WDR37: variants seen among roughly 807,000 people sequenced by gnomAD.
WDR37 encodes WD repeat domain 37.
WDR37 carries 19 observed loss-of-function variants against 62.9 expected under a neutral mutation model. The observed-to-expected ratio is 0.30, with a 90% CI of 0.21 to 0.44. The LOEUF is 0.44. Among genes scored for constraint, WDR37 ranks in the 20% least tolerant of loss-of-function variants. The pLI is 1.00. For synonymous variants in WDR37, 250 were observed against 260.9 expected (o/e 0.96, Z 0.40); for missense variants, 474 against 657.6 (o/e 0.72, Z 3.05).
chr10:1,095,793 T>A (rs1020775019), intron 8 of WDR37, among the ~76,000 whole-genome samples: 1 of 152,216 alleles, frequency 6.6e-6, no homozygotes, highest in Non-Finnish European at 1.5e-5. Context: ...TGGAGATGAG[T>A]GTCGCTTTCC....
Position 1,096,222 on chromosome 10 carries a change from AC to A in WDR37, c.706del (p.Gln236SerfsTer14). ...IWRYAVQLPTPQPVADTSISG... is the reference protein window; with the variant it reads ...IWRYAVQLPTXQPVADTSISG... ...GGAGATACGCGGTGCAGCTGCCGAC[AC>A]CCCAGCCTGTTGCTGACACTAGTGT... On this transcript the variant is annotated frameshift_variant, in exon 9 of 14. Coordinates refer to ENST00000263150, the MANE Select transcript of WDR37 (RefSeq NM_014023.4). LOFTEE classifies it high-confidence loss of function. 6.2e-7 allele frequency: 1 copy of A among 1,614,042 alleles called. No individual in the cohort carries two copies.
At chr10:1,124,167 G>A (rs2131692976) in intron 11 of WDR37, 51 bp from the exon 12 acceptor site, 2 of 1,609,186 alleles carry the variant, frequency 1.2e-6, no homozygotes, top group South Asian at 2.2e-5. Context: ...GGGGTGTGGT[G>A]TCACGTCCTG....
chr10:1,086,468 T>A lies in WDR37; in HGVS notation c.604+111T>A. ...CTACTGTGTAGGAAGCCTTACTGTTTCGGTTGTCAGGGGACAGTGTGGTCT... is the reference window on the plus strand; with the variant it reads ...CTACTGTGTAGGAAGCCTTACTGTTACGGTTGTCAGGGGACAGTGTGGTCT... On this transcript the variant is annotated intron_variant, in intron 7 of 13. Coordinates refer to ENST00000263150, the MANE Select transcript of WDR37 (RefSeq NM_014023.4). 5 of 825,076 alleles carry A rather than the reference T, an allele frequency of 6.1e-6. No individual in the cohort carries two copies. In the South Asian group the frequency reaches 7.9e-5, roughly 13 times the overall value. The allele number at this position is 825,076 out of a possible 1,614,324, so 51.1% of individuals were successfully genotyped here.
chr10:1,070,808 A>G (rs902481377), intron 1 of WDR37, among the ~76,000 whole-genome samples: 2 of 152,242 alleles, frequency 1.3e-5, no homozygotes, highest in Non-Finnish European at 2.9e-5. Flanking sequence ...CTTGTTTAAA[A>G]AGAAGGGAAC....
chr10:1,069,389 A>ATTTTTTTTTTTTTTTTTTTTTTTTTTTTT lies in WDR37; in HGVS notation c.-40-2709_-40-2708insTTTTTTTTTTTTTTTTTTTTTTTTTTTTT, dbSNP rs377212232. ...GGAAAGAATATATATATATATATATATTTTTTTTTTTTTTTTTTGCAGCAG... is the reference window on the plus strand; with the variant it reads ...GGAAAGAATATATATATATATATATATTTTTTTTTTTTTTTTTTTTTTTTTTTTTTTTTTTTTTTTTTTTTTTGCAGCAG... On this transcript the variant is annotated intron_variant, in intron 1 of 13. Transcript: ENST00000263150. 2.1e-5 allele frequency among the ~76,000 whole-genome samples: 2 copies of ATTTTTTTTTTTTTTTTTTTTTTTTTTTTT among 95,806 alleles called. 1 individual carries two copies. The allele number at this position is 95,806 out of a possible 152,430, so 62.9% of individuals were successfully genotyped here. A position where few individuals can be genotyped will look rare whatever the true frequency, so the allele number is the denominator to read the frequency against.
chr10:1,115,811 C>T (rs1255015080), intron 11 of WDR37, among the ~76,000 whole-genome samples: 1 of 152,088 alleles, frequency 6.6e-6, no homozygotes, highest in African/African-American at 2.4e-5. Flanking sequence ...AGCCATCTAC[C>T]AGGTGGTGAC....
intron 11 of WDR37, among the ~76,000 whole-genome samples, chr10:1,119,763 G>A (rs1427927669): frequency 2.0e-5 from 3 of 152,212 alleles, no homozygotes; most frequent in African/African-American, 7.2e-5. Flanking sequence ...ACTGTCTGAC[G>A]AGGAGCGGGG....
chr10:1,066,517 C>A (rs760107349), intron 1 of WDR37, among the ~76,000 whole-genome samples: 126 of 152,234 alleles, frequency 8.3e-4, no homozygotes, highest in Non-Finnish European at 1.4e-3. Flanking sequence ...ATAAATATAC[C>A]ATTTCTCCCC....
chr10:1,108,749 C>A (rs867917019), intron 11 of WDR37, among the ~76,000 whole-genome samples: 15 of 128,042 alleles, frequency 1.2e-4, no homozygotes, highest in Admixed American at 4.1e-4. Flanking sequence ...GCCCCCCCCC[C>A]CCGTGGAACC....
intron 11 of WDR37, chr10:1,123,874 TTGG>T (rs1222584227): frequency 4.1e-5 from 9 of 218,696 alleles, no homozygotes; most frequent in Non-Finnish European, 8.1e-5. Context: ...ACAGTTGTTG[TTGG>T]AATGGATTTT....
intron 10 of WDR37, among the ~76,000 whole-genome samples, chr10:1,104,470 T>C (rs1834938400): frequency 6.6e-6 from 1 of 152,260 alleles, no homozygotes; most frequent in Non-Finnish European, 1.5e-5. Flanking sequence ...ACTCTCCAAC[T>C]TCTGGGACCC....
rs561265826 is a variant in WDR37, at chr10:1,129,208, A to T, written c.1354-5A>T. The T allele has an allele frequency of 9.3e-6, 15 of 1,613,532 alleles. No homozygotes were observed. In the African/African-American group the frequency reaches 1.1e-4, roughly 11 times the overall value. ...ACTGATTTTGGTTTGTTTGATCATC[A>T]CTAGGGCCACAGGAGAATGGTATGC... On this transcript the variant is annotated splice_polypyrimidine_tract_variant and splice_region_variant and intron_variant, in intron 13 of 13. Transcript: ENST00000263150.
At chr10:1,067,024 T>G (rs200136295) in intron 1 of WDR37, among the ~76,000 whole-genome samples, 2 of 152,236 alleles carry the variant, frequency 1.3e-5, no homozygotes, top group East Asian at 3.9e-4. Context: ...CACAACACAT[T>G]GGAATTCAAG....
chr10:1,075,326 C>G (rs7076150), intron 2 of WDR37, among the ~76,000 whole-genome samples: 146,751 of 149,660 alleles, frequency 0.98, 72,004 homozygotes, highest in Middle Eastern at 1. Context: ...TACATGTGCA[C>G]AACGAGCAGG....
chr10:1,064,926 G>A (rs536934726), intron 1 of WDR37, among the ~76,000 whole-genome samples: 1 of 152,170 alleles, frequency 6.6e-6, no homozygotes, highest in East Asian at 1.9e-4. Context: ...ATTGTGGAGG[G>A]CATAAGGAAG....
chr10:1,125,884 C>A (rs1023804736), intron 13 of WDR37, among the ~76,000 whole-genome samples: 1 of 152,214 alleles, frequency 6.6e-6, no homozygotes, highest in South Asian at 2.1e-4. Flanking sequence ...GAGTTTCTCG[C>A]TATGTGCTGT....
chr10:1,077,809 A>G (rs1339122842), intron 2 of WDR37, 98 bp from the exon 3 acceptor site: 1 of 877,014 alleles, frequency 1.1e-6, no homozygotes, highest in Non-Finnish European at 1.8e-6. Flanking sequence ...ATACAAAATA[A>G]GAGTTTACAA....
Position 1,103,882 on chromosome 10 carries a change from G to A in WDR37, c.961+46G>A. ...CGCCGCCTCCTGGCTGTGCATGTTA[G>A]TTTATGTCCATGGGTTATGTCTGAC... On this transcript the variant is annotated intron_variant, in intron 10 of 13. Coordinates refer to ENST00000263150, the MANE Select transcript of WDR37 (RefSeq NM_014023.4). This position sits in a 1 kb window ranked among gnomAD's most constrained non-coding sequence, Gnocchi z 6.3. 1 of 1,586,842 alleles carries A rather than the reference G, an allele frequency of 6.3e-7. No individual in the cohort carries two copies. Among genetic ancestry groups the A allele is most frequent in the Non-Finnish European group, 8.6e-7 (1 of 1,161,698 alleles).
rs1195849490 is a variant in WDR37, at chr10:1,091,055, C to T, written c.605-2397C>T. Among the ~76,000 whole-genome samples, 6 of 152,176 alleles carry T rather than the reference C, an allele frequency of 3.9e-5. No individual in the cohort carries two copies. The South Asian group carries it at 6.2e-4, about 16-fold the overall frequency. ...TCCTAACCCCAACATGATTCTGTGC[C>T]GATTTTGTAAGATCAGGGGTCAGTT... is the stretch of plus-strand genomic sequence containing the variant. On this transcript the variant is annotated intron_variant, in intron 7 of 13. Coordinates refer to ENST00000263150, the MANE Select transcript of WDR37 (RefSeq NM_014023.4).
Sources: allele counts gnomAD v4.1 joint callset (sites outside exome capture counted in the v4.1 genomes callset), GRCh38; gene constraint gnomAD v4.1.1; non-coding constraint Gnocchi (gnomAD v3.1); transcripts MANE v1.5; gene names NCBI Gene and HGNC (gene_info 2026-07-23, HGNC 2026-07-21).